The following RTF1 variants were observed in gnomAD, a reference collection of about 807,000 sequenced individuals.
The protein encoded by RTF1 is RNA polymerase-associated protein RTF1 homolog.
Under a neutral mutation model 95.7 loss-of-function variants are expected in RTF1, and 10 were observed. That is an observed-to-expected ratio of 0.10 (90% CI 0.06 to 0.18). RTF1 has a LOEUF of 0.18. Among genes scored for constraint, RTF1 ranks in the 10% least tolerant of loss-of-function variants. The pLI, the probability that RTF1 is intolerant of heterozygous loss-of-function variation, is 1.00. For missense variants in RTF1, 458 were observed against 875.6 expected (o/e 0.52, Z 6.02); for synonymous variants, 305 against 311.8 (o/e 0.98, Z 0.23).
chr15:41,440,641 C>T (rs1233832981), intron 2 of RTF1, among the ~76,000 whole-genome samples: 1 of 151,888 alleles, frequency 6.6e-6, no homozygotes, highest in African/African-American at 2.4e-5. Flanking sequence ...AGGCGCATGT[C>T]ACCACACCCA....
At chr15:41,425,602 G>T (rs1296680881) in intron 1 of RTF1, among the ~76,000 whole-genome samples, 1 of 152,130 alleles carries the variant, frequency 6.6e-6, no homozygotes, top group Non-Finnish European at 1.5e-5. Flanking sequence ...AGTTCCATTA[G>T]AATGGAAGCG....
intron 1 of RTF1, among the ~76,000 whole-genome samples, chr15:41,419,073 G>A (rs1595420539): frequency 6.6e-6 from 1 of 152,108 alleles, no homozygotes; most frequent in East Asian, 1.9e-4. Context: ...TAGAAACTTT[G>A]TTTTGGGGTA....
intron 1 of RTF1, among the ~76,000 whole-genome samples, chr15:41,432,581 A>G (rs979914426): frequency 1.3e-5 from 2 of 152,120 alleles, no homozygotes; most frequent in Non-Finnish European, 2.9e-5. Context: ...AACTTTTAAC[A>G]GATGTCTACT....
intron 16 of RTF1, among the ~76,000 whole-genome samples, 152 bp from the exon 17 acceptor site, chr15:41,480,060 CTG>C (rs1306268223): frequency 2.0e-5 from 3 of 152,100 alleles, no homozygotes; most frequent in Admixed American, 6.6e-5. Flanking sequence ...AGCTCTTTGT[CTG>C]TGGCCTCCCT....
intron 3 of RTF1, among the ~76,000 whole-genome samples, chr15:41,456,600 C>G (rs2050818420): frequency 6.6e-6 from 1 of 151,602 alleles, no homozygotes; most frequent in Admixed American, 6.6e-5. Context: ...AGTTCAAGAC[C>G]AACCTGGCCA....
Position 41,476,491 on chromosome 15 carries a change from G to A in RTF1, c.1528G>A (p.Ala510Thr). The A allele has an allele frequency of 1.2e-6, 2 of 1,613,750 alleles. No individual in the cohort carries two copies. The highest frequency in any genetic ancestry group is 1.7e-6 in the Non-Finnish European group (2 of 1,179,738). ...ERFRKAPPNY[A>T]MKKTQLLKEK... ...GTTCAGAAAAGCTCCACCCAACTACGCTATGAAGAAGACTCAGCTACTGAA... is the reference window on the plus strand; with the variant it reads ...GTTCAGAAAAGCTCCACCCAACTACACTATGAAGAAGACTCAGCTACTGAA... Residue 510 changes from alanine to threonine, a missense_variant, in exon 12 of 18, where the codon GCT becomes ACT. Physicochemically the swap from Ala to Thr is moderately conservative, Grantham distance 58 (BLOSUM62 0). Transcript: ENST00000389629.
intron 1 of RTF1, among the ~76,000 whole-genome samples, chr15:41,421,537 G>A (rs1815767949): frequency 6.6e-6 from 1 of 151,534 alleles, no homozygotes; most frequent in Admixed American, 6.6e-5. Flanking sequence ...AGTCTGGGGT[G>A]GGAGGATTGC....
chr15:41,451,022 G>T (rs1038663082), intron 2 of RTF1, among the ~76,000 whole-genome samples: 33 of 152,148 alleles, frequency 2.2e-4, no homozygotes, highest in African/African-American at 7.7e-4. Context: ...GCTGACTGTT[G>T]TTCTTAAGAA....
In RTF1 at chr15:41,456,350, G is replaced by A. The variant is rs143271697; in HGVS notation, c.458-1322G>A. Among the ~76,000 whole-genome samples the A allele has an allele frequency of 5.8e-3, 886 of 151,588 alleles. 11 individuals are homozygous for A. The highest frequency in any genetic ancestry group is 0.02 in the African/African-American group (833 of 41,286). ...AAAAATACAAAAAAATTAGCCAGGC[G>A]TGGTGGTGGGCATCTATAATCCCAG... On this transcript the variant is annotated intron_variant, in intron 3 of 17. Transcript: ENST00000389629.
chr15:41,429,448 T>TTCTC (rs532855515), intron 1 of RTF1, among the ~76,000 whole-genome samples: 1 of 151,238 alleles, frequency 6.6e-6, no homozygotes, highest in Non-Finnish European at 1.5e-5. Flanking sequence ...TTTTTTTTTT[T>TTCTC]TCTCTCTCTC....
intron 1 of RTF1, among the ~76,000 whole-genome samples, chr15:41,419,031 G>C (rs1467283612): frequency 3.9e-5 from 6 of 152,124 alleles, no homozygotes; most frequent in Non-Finnish European, 8.8e-5. Flanking sequence ...AGATGGAGAA[G>C]TAATGGGGCC....
At chr15:41,427,237 C>T (rs537908112) in intron 1 of RTF1, among the ~76,000 whole-genome samples, 1 of 150,362 alleles carries the variant, frequency 6.7e-6, no homozygotes, top group Admixed American at 6.6e-5. Context: ...CTGCAAGCTC[C>T]GCCTCCCGGG....
At chr15:41,421,928 G>C (rs1336844272) in intron 1 of RTF1, among the ~76,000 whole-genome samples, 1 of 152,050 alleles carries the variant, frequency 6.6e-6, no homozygotes, top group East Asian at 1.9e-4. Context: ...GCCTAGGCTA[G>C]TCTGAAACTC....
At chr15:41,464,028 T>A (rs2050866826) in intron 4 of RTF1, among the ~76,000 whole-genome samples, 1 of 151,302 alleles carries the variant, frequency 6.6e-6, no homozygotes, top group South Asian at 2.1e-4. Context: ...ATTTTTGTAT[T>A]TTTAGTGGAG....
At chr15:41,445,076 C>G (rs933644189) in intron 2 of RTF1, among the ~76,000 whole-genome samples, 1 of 152,036 alleles carries the variant, frequency 6.6e-6, no homozygotes, top group African/African-American at 2.4e-5. Context: ...GGACTACAGG[C>G]GCCCACCACC....
intron 1 of RTF1, among the ~76,000 whole-genome samples, chr15:41,417,558 C>T (rs1011918846): frequency 6.6e-6 from 1 of 152,182 alleles, no homozygotes; most frequent in South Asian, 2.1e-4. Flanking sequence ...GGGACCGGGC[C>T]GTTGGGCCTC....
At chr15:41,454,159 C>T (rs1002227269) in intron 3 of RTF1, among the ~76,000 whole-genome samples, 2 of 151,988 alleles carry the variant, frequency 1.3e-5, no homozygotes, top group Admixed American at 6.6e-5. Flanking sequence ...TGCAATGGCG[C>T]GTTCTTGGCT....
intron 1 of RTF1, 77 bp downstream of exon 1, chr15:41,417,390 C>T (rs1186661030): frequency 1.0e-5 from 12 of 1,186,760 alleles, no homozygotes; most frequent in Non-Finnish European, 1.3e-5. Flanking sequence ...GACGGCCGGG[C>T]CTGGAGCCTT....
chr15:41,449,567 T>C (rs2050780382), intron 2 of RTF1, among the ~76,000 whole-genome samples: 1 of 152,012 alleles, frequency 6.6e-6, no homozygotes, highest in Non-Finnish European at 1.5e-5. Context: ...GGTCTCCAAC[T>C]CCTGTGTTCA....
Sources: allele counts gnomAD v4.1 joint callset (sites outside exome capture counted in the v4.1 genomes callset), GRCh38; gene constraint gnomAD v4.1.1; transcripts MANE v1.5; gene names NCBI Gene and HGNC (gene_info 2026-07-23, HGNC 2026-07-21).